The following CBY2 variants were observed in gnomAD, a reference collection of about 807,000 sequenced individuals.
The protein encoded by CBY2 is protein chibby homolog 2.
A neutral mutation model predicts 25.3 loss-of-function variants in CBY2; 23 were observed. The ratio of observed to expected loss-of-function variants is 0.91; its 90% CI spans 0.65 to 1.29. The LOEUF is 1.29. CBY2 is among the 50% of genes most tolerant of loss of function. The probability of loss-of-function intolerance (pLI) is 0.00; values close to 1 mark genes in which losing one functional copy is unlikely to be tolerated. For missense variants in CBY2, 642 were observed against 590.7 expected (o/e 1.09, Z -0.90); for synonymous variants, 279 against 260.2 (o/e 1.07, Z -0.70).
Position 45,702,843 on chromosome 13 carries a change from G to A in CBY2, c.144G>A (p.Val48=), listed in dbSNP as rs763287581. 6.2e-7 allele frequency: 1 copy of A among 1,612,944 alleles called. No individual in the cohort carries two copies. Among genetic ancestry groups the A allele is most frequent in the Non-Finnish European group, 8.5e-7 (1 of 1,178,910 alleles). The change falls in exon 2 of 3, where the codon GTG becomes GTA. Residue 48 remains valine, a synonymous_variant. Coordinates refer to ENST00000310521, the MANE Select transcript of CBY2 (RefSeq NM_152719.3). Reference sequence around the variant, plus strand: ...AAAGCCTAGAAATTCCAATCAGTGTGGTTCTACCTCAGGTAGGGATAATCA... The same window carrying A: ...AAAGCCTAGAAATTCCAATCAGTGTAGTTCTACCTCAGGTAGGGATAATCA... ...RSESLEIPIS[V]VLPQRGTAEP... is the part of the protein sequence containing the mutation.
chr13:45,702,551 CTT>C, intron 1 of CBY2, 86 bp downstream of exon 1: 2 of 1,175,016 alleles, frequency 1.7e-6, no homozygotes, highest in Non-Finnish European at 2.6e-6. Flanking sequence ...TTTCAAAAGC[CTT>C]TTACATCAAC....
intron 2 of CBY2, 57 bp downstream of exon 2, chr13:45,702,912 TCTC>T: frequency 7.3e-7 from 1 of 1,364,934 alleles, no homozygotes; most frequent in Middle Eastern, 1.8e-4. Context: ...TAACCCCCCA[TCTC>T]CTCCTTCAAA....
rs9316154 is a variant in CBY2, at chr13:45,713,018, A to C, written c.157-164A>C. Among the ~76,000 whole-genome samples the C allele has an allele frequency of 0.78, 118,410 of 152,110 alleles. 46,386 individuals are homozygous for C. Among genetic ancestry groups the C allele is most frequent in the Middle Eastern group, 0.86 (251 of 292 alleles). ...CAGAACTCACTGGAATGACAAGGAT[A>C]GGCCACATTTCCTTGTGAGGACCCC... is the stretch of plus-strand genomic sequence containing the variant. On this transcript the variant is annotated intron_variant, in intron 2 of 2. Coordinates refer to ENST00000310521, the MANE Select transcript of CBY2 (RefSeq NM_152719.3). The surrounding 1 kb of genome is among the most constrained non-coding windows in gnomAD (Gnocchi z 5.0).
rs947227501 is a variant in CBY2 at position 45,704,224 on chromosome 13, G to A, written c.156+1369G>A. 7.2e-5 allele frequency among the ~76,000 whole-genome samples: 11 copies of A among 152,048 alleles called. No individual in the cohort carries two copies. Among genetic ancestry groups the A allele is most frequent in the African/African-American group, 2.4e-4 (10 of 41,420 alleles). ...CACCCACCGCAACTTTCCCTCCCCA[G>A]CTCCCAGAAACAGCCCAACGATCAA... On this transcript the variant is annotated intron_variant, in intron 2 of 2. Coordinates refer to ENST00000310521, the MANE Select transcript of CBY2 (RefSeq NM_152719.3). The surrounding 1 kb of genome is among the most constrained non-coding windows in gnomAD (Gnocchi z 4.1).
chr13:45,707,991 C>A (rs1180739614), intron 2 of CBY2, among the ~76,000 whole-genome samples: 1 of 152,156 alleles, frequency 6.6e-6, no homozygotes, highest in Non-Finnish European at 1.5e-5. Flanking sequence ...AAAAGCCCTT[C>A]TTGTATGTCT....
intron 1 of CBY2, 153 bp from the exon 2 acceptor site, chr13:45,702,622 C>A (rs1334782876): frequency 9.4e-6 from 8 of 851,626 alleles, no homozygotes; most frequent in Non-Finnish European, 1.4e-5. Flanking sequence ...CAGATATCAT[C>A]TACACGTTCT....
chr13:45,710,447 C>A (rs1043787875), intron 2 of CBY2, among the ~76,000 whole-genome samples: 1 of 152,128 alleles, frequency 6.6e-6, no homozygotes, highest in Non-Finnish European at 1.5e-5. Context: ...TGCTTGAACC[C>A]GGAAGGCGGA....
chr13:45,706,507 C>G (rs1428269552), intron 2 of CBY2, among the ~76,000 whole-genome samples: 5 of 152,202 alleles, frequency 3.3e-5, no homozygotes, highest in African/African-American at 1.2e-4. Flanking sequence ...GAGCCCATGA[C>G]CAACTTATTC....
At chr13:45,712,640 A>G (rs568140712) in intron 2 of CBY2, among the ~76,000 whole-genome samples, 2 of 152,220 alleles carry the variant, frequency 1.3e-5, no homozygotes, top group South Asian at 2.1e-4. Flanking sequence ...CAGTCTATCT[A>G]GTGCCACTTT....
In CBY2 at chr13:45,714,171, C is replaced by A; in HGVS notation, c.1146C>A (p.Thr382=). The change falls in exon 3 of 3, where the codon ACC becomes ACA. Residue 382 remains threonine, a synonymous_variant. Coordinates refer to ENST00000310521, the MANE Select transcript of CBY2 (RefSeq NM_152719.3). Reference sequence around the variant, plus strand: ...GGCTCCTGCAGGAGGAGAACAGGACCCTGCAGGTGCTACGGGCAGAGCACA... The same window carrying A: ...GGCTCCTGCAGGAGGAGAACAGGACACTGCAGGTGCTACGGGCAGAGCACA... ...ENRLLQEENR[T]LQVLRAEHRG... is the part of the protein sequence containing the mutation. The A allele has an allele frequency of 6.2e-7, 1 of 1,609,610 alleles. No individual in the cohort carries two copies. Among genetic ancestry groups the A allele is most frequent in the Non-Finnish European group, 8.5e-7 (1 of 1,178,690 alleles).
At chr13:45,703,659 T>A (rs1950224149) in intron 2 of CBY2, 1 of 1,330,158 alleles carries the variant, frequency 7.5e-7, no homozygotes. Context: ...GCATTCCATA[T>A]ATATAATTGT....
intron 2 of CBY2, chr13:45,703,514 C>T: frequency 6.4e-7 from 1 of 1,550,714 alleles, no homozygotes; most frequent in Non-Finnish European, 8.7e-7. Flanking sequence ...TCTCCAGAGT[C>T]ACCTAAGTCC....
intron 2 of CBY2, among the ~76,000 whole-genome samples, chr13:45,706,383 T>C (rs7342450): frequency 0.87 from 132,415 of 152,196 alleles, 58,260 homozygotes; most frequent in African/African-American, 0.91. Flanking sequence ...TTCGTGCCCA[T>C]GGCCCTTCCT....
chr13:45,714,188 C>T lies in CBY2; in HGVS notation c.1163C>T (p.Ala388Val), dbSNP rs1403450339. 6.2e-7 allele frequency: 1 copy of T among 1,611,388 alleles called. No individual in the cohort carries two copies. The highest frequency in any genetic ancestry group is 8.5e-7 in the Non-Finnish European group (1 of 1,179,358). The change falls in exon 3 of 3, where the codon GCA becomes GTA. Residue 388 changes from alanine (A) to valine (V), a missense_variant. Coordinates refer to ENST00000310521, the MANE Select transcript of CBY2 (RefSeq NM_152719.3). ...AACAGGACCCTGCAGGTGCTACGGG[C>T]AGAGCACAGGGGCTTCCAGGAGGAG... ...EENRTLQVLR[A>V]EHRGFQEENK...
intron 2 of CBY2, among the ~76,000 whole-genome samples, chr13:45,709,012 G>A (rs1050163237): frequency 9.9e-5 from 15 of 152,180 alleles, no homozygotes; most frequent in African/African-American, 3.1e-4. Flanking sequence ...GGGAGAGGAC[G>A]AGATGCCAAC....
chr13:45,712,755 G>A (rs1001495833), intron 2 of CBY2, among the ~76,000 whole-genome samples: 1 of 152,154 alleles, frequency 6.6e-6, no homozygotes, highest in African/African-American at 2.4e-5. Context: ...TCACAAGAAG[G>A]CTATGCTGTG....
At position 45,713,523 on chromosome 13, in the gene CBY2, C is replaced by T; in HGVS notation, c.498C>T (p.Cys166=). Residue 166 remains cysteine, a synonymous_variant, in exon 3 of 3, where the codon TGC becomes TGT. Coordinates refer to ENST00000310521, the MANE Select transcript of CBY2 (RefSeq NM_152719.3). This position sits in a 1 kb window ranked among gnomAD's most constrained non-coding sequence, Gnocchi z 5.0. ...KLHHKRLAKE[C]MLQEENKSLR... is the part of the protein sequence containing the mutation. ...ACCACAAGAGGCTGGCCAAGGAGTG[C>T]ATGCTGCAGGAGGAGAACAAGTCTC... The T allele has an allele frequency of 2.5e-6, 4 of 1,614,176 alleles. No homozygotes were observed. The highest frequency in any genetic ancestry group is 3.4e-6 in the Non-Finnish European group (4 of 1,180,016).
chr13:45,713,164 TC>T lies in CBY2; in HGVS notation c.157-15del. 3 of 1,587,866 alleles carry T rather than the reference TC, an allele frequency of 1.9e-6. No homozygotes were observed. The Admixed American group carries it at 5.1e-5, about 27-fold the overall frequency. The stretch of plus-strand genomic sequence containing the variant: ...CAGTCCCATCGTTAACGCTGGGCTT[TC>T]CCATTCTCTCCCGCAGAGGGGCACA... On this transcript the variant is annotated splice_polypyrimidine_tract_variant and intron_variant, in intron 2 of 2. Transcript: ENST00000310521. This position sits in a 1 kb window ranked among gnomAD's most constrained non-coding sequence, Gnocchi z 5.0.
At chr13:45,710,987 GTTT>G (rs1009006135) in intron 2 of CBY2, among the ~76,000 whole-genome samples, 3 of 152,180 alleles carry the variant, frequency 2.0e-5, no homozygotes, top group Admixed American at 1.3e-4. Context: ...AGCCTGACTT[GTTT>G]TTTATTTTCT....
Sources: allele counts gnomAD v4.1 joint callset (sites outside exome capture counted in the v4.1 genomes callset), GRCh38; gene constraint gnomAD v4.1.1; non-coding constraint Gnocchi (gnomAD v3.1); transcripts MANE v1.5; gene names NCBI Gene and HGNC (gene_info 2026-07-23, HGNC 2026-07-21).